The following MRTFA variants were observed in gnomAD, a reference collection of about 807,000 sequenced individuals.
MRTFA encodes myocardin related transcription factor A, also known as myocardin-related transcription factor A.
Under a neutral mutation model 83.5 loss-of-function variants are expected in MRTFA, and 20 were observed. That is an observed-to-expected ratio of 0.24 (90% CI 0.17 to 0.35). MRTFA has a LOEUF of 0.35. Among genes scored for constraint, MRTFA ranks in the 10% least tolerant of loss-of-function variants. MRTFA has a pLI of 1.00. For missense variants in MRTFA, 1,200 were observed against 1,224.7 expected, an observed-to-expected ratio of 0.98 and a Z score of 0.30; for synonymous variants, 659 against 541.2, an observed-to-expected ratio of 1.22 and a Z score of -3.02.
Position 40,418,489 on chromosome 22 carries a change from A to G in MRTFA, c.2249T>C (p.Ile750Thr), listed in dbSNP as rs369180132. Reference sequence around the variant, plus strand: ...GAGGGTGGGAGGTGCAACCCCCTTGATGAGGCTGGGGCCCTGAGGCCCCAG... The same window carrying G: ...GAGGGTGGGAGGTGCAACCCCCTTGGTGAGGCTGGGGCCCTGAGGCCCCAG... The change falls in exon 12 of 15, where the codon ATC becomes ACC. Residue 750 changes from isoleucine (I) to threonine (T), a missense_variant. This residue lies in a region of MRTFA where 1,107 missense variants were observed against 1,041.8 expected (regional missense o/e 1.06). Transcript: ENST00000355630. The G allele has an allele frequency of 6.2e-6, 10 of 1,612,288 alleles. No individual in the cohort carries two copies. In the African/African-American group the frequency reaches 1.2e-4, roughly 19 times the overall value.
chr22:40,523,838 T>C (rs2147263491), intron 3 of MRTFA: 1 of 152,300 alleles, frequency 6.6e-6, no homozygotes, highest in South Asian at 2.1e-4. Context: ...TTCAGTACTT[T>C]ACATAACCAA....
chr22:40,496,460 A>C (rs1033139446), intron 3 of MRTFA, among the ~76,000 whole-genome samples: 3 of 148,644 alleles, frequency 2.0e-5, no homozygotes, highest in African/African-American at 7.5e-5. Context: ...TATCTTCTAC[A>C]TTTTCTACAT....
rs747188449 is a variant in MRTFA at position 40,481,294 on chromosome 22, G to A, written c.242-18008C>T. ...CTGGTACAACTTCCTTCCTGCATTCGGCCACAGGTTCTTTTCGGGCACTAG... is the reference window on the plus strand; with the variant it reads ...CTGGTACAACTTCCTTCCTGCATTCAGCCACAGGTTCTTTTCGGGCACTAG... On this transcript the variant is annotated intron_variant, in intron 3 of 14. Coordinates refer to ENST00000355630, the MANE Select transcript of MRTFA (RefSeq NM_020831.6). Among the ~76,000 whole-genome samples, 14 of 152,054 alleles carry A rather than the reference G, an allele frequency of 9.2e-5. 1 individual carries two copies. The highest frequency in any genetic ancestry group is 1.6e-4 in the Non-Finnish European group (11 of 68,008).
At chr22:40,481,209 T>C (rs978877789) in intron 3 of MRTFA, among the ~76,000 whole-genome samples, 3 of 152,152 alleles carry the variant, frequency 2.0e-5, no homozygotes, top group Non-Finnish European at 4.4e-5. Flanking sequence ...ACAGGACTAC[T>C]GCCTATCTGG....
intron 4 of MRTFA, among the ~76,000 whole-genome samples, chr22:40,450,797 C>T (rs9607719): frequency 6.6e-6 from 1 of 152,044 alleles, no homozygotes; most frequent in East Asian, 1.9e-4. Context: ...GAAATTTTGG[C>T]GAAAGCATAG....
chr22:40,578,101 G>A (rs1485921960), intron 2 of MRTFA, among the ~76,000 whole-genome samples: 3 of 151,812 alleles, frequency 2.0e-5, no homozygotes, highest in Non-Finnish European at 4.4e-5. Flanking sequence ...TTACAGACAC[G>A]TGCCACCATG....
At chr22:40,545,094 T>C (rs2055343012) in intron 3 of MRTFA, among the ~76,000 whole-genome samples, 1 of 152,032 alleles carries the variant, frequency 6.6e-6, no homozygotes, top group South Asian at 2.1e-4. Flanking sequence ...CATTATGATA[T>C]ACTGATTCAA....
At chr22:40,564,645 T>G (rs928590808) in intron 2 of MRTFA, among the ~76,000 whole-genome samples, 1 of 152,074 alleles carries the variant, frequency 6.6e-6, no homozygotes, top group African/African-American at 2.4e-5. Flanking sequence ...CTTTATTTTA[T>G]TATTATTTTT....
intron 3 of MRTFA, among the ~76,000 whole-genome samples, chr22:40,472,694 G>A (rs2053936065): frequency 6.6e-6 from 1 of 152,148 alleles, no homozygotes; most frequent in Non-Finnish European, 1.5e-5. Flanking sequence ...GACATCTAGA[G>A]AACAGGATAC....
chr22:40,419,518 G>C (rs1156777823), intron 11 of MRTFA, 134 bp from the exon 12 acceptor site: 1 of 744,226 alleles, frequency 1.3e-6, no homozygotes, highest in African/African-American at 1.8e-5. Context: ...CAGCCTGGAG[G>C]GTGCAATGCC....
rs71328709 is a variant in MRTFA, at chr22:40,470,231, T to TTATATATATA, written c.242-6955_242-6946dup. Among the ~76,000 whole-genome samples the TTATATATATA allele has an allele frequency of 6.4e-3, 291 of 45,384 alleles. 5 individuals carry two copies. Among genetic ancestry groups the TTATATATATA allele is most frequent in the Middle Eastern group, 0.012 (1 of 82 alleles). The allele number at this position is 45,384 out of a possible 152,430, so 29.8% of individuals were successfully genotyped here. ...ACAGCAAGACCCCATCTCCAAAATT[T>TTATATATATA]TATATATATATATATATATATATAT... On this transcript the variant is annotated intron_variant, in intron 3 of 14. Transcript: ENST00000355630.
intron 3 of MRTFA, among the ~76,000 whole-genome samples, chr22:40,538,169 G>C (rs986166883): frequency 5.1e-5 from 2 of 39,242 alleles, no homozygotes; most frequent in African/African-American, 1.2e-4. Context: ...GATGGTTGCC[G>C]TGTCTGTGTA....
chr22:40,495,702 T>A (rs1185076454), intron 3 of MRTFA, among the ~76,000 whole-genome samples: 1 of 139,892 alleles, frequency 7.1e-6, no homozygotes, highest in East Asian at 2.1e-4. Context: ...GAGGTTGCAG[T>A]GAGCCGAGAT....
At chr22:40,633,378 T>C (rs527590610) in intron 1 of MRTFA, among the ~76,000 whole-genome samples, 135 of 152,216 alleles carry the variant, frequency 8.9e-4, no homozygotes, top group Non-Finnish European at 1.6e-3. Flanking sequence ...CAGTAGTATA[T>C]GAGCTTGCCA....
intron 2 of MRTFA, among the ~76,000 whole-genome samples, chr22:40,590,274 C>T (rs2147375585): frequency 6.6e-6 from 1 of 152,170 alleles, no homozygotes; most frequent in South Asian, 2.1e-4. Context: ...GGGGAAAAGA[C>T]AGTTTACAAT....
intron 14 of MRTFA, chr22:40,412,293 GGAGTGGCTACTGTAA>G (rs2052574733): frequency 6.3e-6 from 1 of 158,278 alleles, no homozygotes. Flanking sequence ...CAAACCCACT[GGAGTGGCTACTGTAA>G]AATTAAATTT....
chr22:40,413,633 C>T (rs757562822), intron 14 of MRTFA, among the ~76,000 whole-genome samples: 2 of 151,530 alleles, frequency 1.3e-5, no homozygotes, highest in African/African-American at 4.9e-5. Context: ...TTAGTAAAGA[C>T]GGGGTTTCAC....
intron 3 of MRTFA, among the ~76,000 whole-genome samples, chr22:40,506,217 T>G (rs1028978378): frequency 6.6e-6 from 1 of 152,164 alleles, no homozygotes; most frequent in Non-Finnish European, 1.5e-5. Context: ...CACTCCAGCC[T>G]GGGCGACAGA....
chr22:40,566,337 G>A (rs1007638808), intron 2 of MRTFA, among the ~76,000 whole-genome samples: 6 of 151,120 alleles, frequency 4.0e-5, no homozygotes, highest in Non-Finnish European at 5.9e-5. Context: ...TCTCTGCCTC[G>A]GCCTCCTGAA....
Sources: gnomAD v4.1 joint callset for allele counts (sites outside exome capture counted in the v4.1 genomes callset) on GRCh38, gnomAD v4.1.1 for gene constraint, gnomAD v4.1.1 regional missense constraint, MANE v1.5 for transcripts, NCBI Gene and HGNC (gene_info 2026-07-23, HGNC 2026-07-21) for gene names.